ERAP1: variants seen among roughly 807,000 people sequenced by gnomAD.
ERAP1 encodes the protein endoplasmic reticulum aminopeptidase 1.
A neutral mutation model predicts 103.7 loss-of-function variants in ERAP1; 86 were observed. That is an observed-to-expected ratio of 0.83 (90% confidence interval 0.70 to 0.99). The LOEUF (loss-of-function observed/expected upper bound fraction) is 0.99, where lower values mean the gene tolerates loss of function less well. Among genes scored for constraint, ERAP1 ranks in the 50% least tolerant of loss-of-function variants. The pLI, the probability that ERAP1 is intolerant of heterozygous loss-of-function variation, is 0.00. For synonymous variants in ERAP1, 398 were observed against 402.4 expected (o/e 0.99, Z 0.13); for missense variants, 1,009 against 1,128.4 (o/e 0.89, Z 1.52).
the ERAP1 span, chr5:96,889,111 TGA>T: frequency 6.4e-7 from 1 of 1,571,750 alleles, no homozygotes; most frequent in Non-Finnish European, 8.7e-7. Flanking sequence ...CCTTTCTGTG[TGA>T]GAGGGTTATC....
At chr5:96,834,588 C>G in the ERAP1 span, among the ~76,000 whole-genome samples, 2 of 152,086 alleles carry the variant, frequency 1.3e-5, no homozygotes, top group African/African-American at 4.8e-5. Flanking sequence ...TGGTCTAGTT[C>G]ACAGTAAAAT....
intron 4 of ERAP1, among the ~76,000 whole-genome samples, chr5:96,796,641 G>A (rs922152050): frequency 3.9e-5 from 6 of 152,094 alleles, no homozygotes; most frequent in Non-Finnish European, 7.4e-5. Context: ...CCAGGATCAT[G>A]ACTCAGGCCA....
chr5:96,837,835 C>T, the ERAP1 span, among the ~76,000 whole-genome samples: 2 of 152,160 alleles, frequency 1.3e-5, no homozygotes, highest in African/African-American at 4.8e-5. Flanking sequence ...AAGTGGCTCT[C>T]AGCGTGAAGG....
chr5:96,802,951 G>T (rs1160142195), intron 2 of ERAP1, among the ~76,000 whole-genome samples: 1 of 152,050 alleles, frequency 6.6e-6, no homozygotes, highest in African/African-American at 2.4e-5. Flanking sequence ...ATGCTAGGAA[G>T]ATATAAGGAA....
intron 4 of ERAP1, among the ~76,000 whole-genome samples, chr5:96,796,547 G>A (rs1777365099): frequency 6.6e-6 from 1 of 152,150 alleles, no homozygotes; most frequent in Admixed American, 6.5e-5. Context: ...TCTAGTCCAA[G>A]TTATACCTTC....
At chr5:96,818,798 G>A in the ERAP1 span, among the ~76,000 whole-genome samples, 1,017 of 152,194 alleles carry the variant, frequency 6.7e-3, 8 homozygotes, top group African/African-American at 0.023. Flanking sequence ...TTAAAGGAAG[G>A]TAGTGTCTTT....
At chr5:96,835,793 T>A in the ERAP1 span, among the ~76,000 whole-genome samples, 1 of 152,196 alleles carries the variant, frequency 6.6e-6, no homozygotes, top group South Asian at 2.1e-4. Flanking sequence ...CTTTATCAAC[T>A]GGAGCAGGGT....
the ERAP1 span, among the ~76,000 whole-genome samples, chr5:96,898,548 T>G: frequency 8.4e-6 from 1 of 119,416 alleles, no homozygotes; most frequent in African/African-American, 3.3e-5. Flanking sequence ...GCCAACATGG[T>G]GAAAACCCAT....
chr5:96,904,060 A>G, the ERAP1 span, among the ~76,000 whole-genome samples: 1 of 152,228 alleles, frequency 6.6e-6, no homozygotes, highest in African/African-American at 2.4e-5. Context: ...GAAAAGTACA[A>G]ATATAGTCTT....
the ERAP1 span, among the ~76,000 whole-genome samples, chr5:96,875,597 G>A: frequency 6.6e-6 from 1 of 151,996 alleles, no homozygotes; most frequent in Non-Finnish European, 1.5e-5. Context: ...ATTGGAGAGG[G>A]ACAGAATCAA....
At chr5:96,891,611 CATT>C in the ERAP1 span, among the ~76,000 whole-genome samples, 6 of 150,798 alleles carry the variant, frequency 4.0e-5, no homozygotes, top group African/African-American at 1.5e-4. Flanking sequence ...CAAATTAGTG[CATT>C]ATACCTGAGT....
At chr5:96,806,288 T>TA (rs36020567) in intron 1 of ERAP1, among the ~76,000 whole-genome samples, 47 of 151,022 alleles carry the variant, frequency 3.1e-4, no homozygotes, top group Admixed American at 7.9e-4. Context: ...GGGAGGCAGT[T>TA]AAAAAAAAAG....
At chr5:96,771,610 G>T (rs1772365924), downstream of ERAP1, 1 of 1,591,472 alleles carries the variant, frequency 6.3e-7, no homozygotes, top group African/African-American at 1.3e-5. Flanking sequence ...ATACAGAAAA[G>T]AAAGCTCACG....
the ERAP1 span, among the ~76,000 whole-genome samples, chr5:96,890,812 A>T: frequency 3.9e-5 from 6 of 152,070 alleles, no homozygotes; most frequent in Non-Finnish European, 8.8e-5. Flanking sequence ...TAGTACAGAT[A>T]TACTAAATCC....
At chr5:96,912,577 A>G in the ERAP1 span, 2 of 1,383,556 alleles carry the variant, frequency 1.4e-6, no homozygotes, top group Admixed American at 2.2e-5. Flanking sequence ...TAAAATTGTC[A>G]TAAGAAAAAA....
chr5:96,844,717 T>G, the ERAP1 span, among the ~76,000 whole-genome samples: 2 of 152,178 alleles, frequency 1.3e-5, no homozygotes, highest in Non-Finnish European at 2.9e-5. Flanking sequence ...TGAAAGCAAG[T>G]GGAAGAAAAG....
exon 20 of ERAP1, chr5:96,762,440 G>T (rs27035): frequency 2.6e-6 from 3 of 1,172,424 alleles, no homozygotes; most frequent in African/African-American, 3.1e-5. Context: ...AAAATAGGGC[G>T]CCTGTTTAAA....
the ERAP1 span, among the ~76,000 whole-genome samples, chr5:96,922,360 C>T: frequency 6.6e-6 from 1 of 152,092 alleles, no homozygotes; most frequent in South Asian, 2.1e-4. Flanking sequence ...AATTCTATCT[C>T]GTCTCTAATA....
chr5:96,808,223 T>TGC (rs1778906678), upstream of ERAP1: 2 of 596,254 alleles, frequency 3.4e-6, no homozygotes, highest in Admixed American at 6.7e-5. Context: ...TGTGTGTGTG[T>TGC]GTGTGTGTGT....
Sources: allele counts gnomAD v4.1 joint callset (sites outside exome capture counted in the v4.1 genomes callset), GRCh38; gene constraint gnomAD v4.1.1; transcripts MANE v1.5; gene names NCBI Gene and HGNC (gene_info 2026-07-23, HGNC 2026-07-21).